The following CNTN3 variants were observed in gnomAD, a reference collection of about 807,000 sequenced individuals.
CNTN3 encodes the protein contactin 3, also known as contactin-3.
In CNTN3, 60 loss-of-function variants were observed where a neutral mutation model predicts 119.1. The observed-to-expected ratio is 0.50, with a 90% confidence interval of 0.41 to 0.62. CNTN3 has a LOEUF of 0.62. Among genes scored for constraint, CNTN3 ranks in the 20% least tolerant of loss-of-function variants. The pLI is 0.00. For missense variants in CNTN3, 1,101 were observed against 1,242.4 expected (o/e 0.89, Z 1.71); for synonymous variants, 450 against 438.7 (o/e 1.03, Z -0.32).
At chr3:74,574,435 G>A (rs1054661417) in intron 1 of CNTN3, among the ~76,000 whole-genome samples, 2 of 152,238 alleles carry the variant, frequency 1.3e-5, no homozygotes, top group East Asian at 1.9e-4. Context: ...ATGGTGACTC[G>A]TAGGGTATAC....
chr3:74,350,339 T>C (rs776962061), intron 11 of CNTN3, among the ~76,000 whole-genome samples: 7 of 152,084 alleles, frequency 4.6e-5, no homozygotes, highest in Non-Finnish European at 1.0e-4. Flanking sequence ...ACATCACTAA[T>C]TATCAGAGAA....
chr3:74,592,609 G>A (rs930723279), intron 1 of CNTN3, among the ~76,000 whole-genome samples: 26 of 151,928 alleles, frequency 1.7e-4, no homozygotes, highest in Non-Finnish European at 3.4e-4. Flanking sequence ...GGCCATGAGA[G>A]TGATATGCTG....
chr3:74,348,047 A>T (rs1337766125), intron 11 of CNTN3, among the ~76,000 whole-genome samples: 1 of 152,170 alleles, frequency 6.6e-6, no homozygotes. Flanking sequence ...GGAGATGGAG[A>T]AATGCTGGTC....
intron 4 of CNTN3, among the ~76,000 whole-genome samples, chr3:74,435,874 C>T (rs900881552): frequency 6.6e-5 from 10 of 152,136 alleles, no homozygotes; most frequent in East Asian, 1.9e-4. Flanking sequence ...CCAACCCTCA[C>T]GCTGGTCTCC....
At chr3:74,334,608 C>A in intron 13 of CNTN3, 127 bp downstream of exon 13, 1 of 766,260 alleles carries the variant, frequency 1.3e-6, no homozygotes, top group Non-Finnish European at 2.1e-6. Flanking sequence ...AACTGAGAAC[C>A]ACTCAACCAA....
At chr3:74,402,323 G>T (rs890238857) in intron 5 of CNTN3, among the ~76,000 whole-genome samples, 5 of 151,870 alleles carry the variant, frequency 3.3e-5, no homozygotes, top group Admixed American at 2.0e-4. Context: ...TTTAACGATG[G>T]GCCATTTTTT....
intron 1 of CNTN3, among the ~76,000 whole-genome samples, chr3:74,610,641 A>G (rs1315489439): frequency 6.6e-6 from 1 of 152,062 alleles, no homozygotes; most frequent in African/African-American, 2.4e-5. Context: ...ATGAGTACTA[A>G]TTTAACTTAC....
chr3:74,575,690 G>A (rs1704404602), intron 1 of CNTN3, among the ~76,000 whole-genome samples: 1 of 150,400 alleles, frequency 6.6e-6, no homozygotes, highest in Non-Finnish European at 1.5e-5. Flanking sequence ...GATTTAGGGG[G>A]AGGATATTTG....
At chr3:74,312,583 C>T (rs1702717933) in intron 13 of CNTN3, among the ~76,000 whole-genome samples, 1 of 151,662 alleles carries the variant, frequency 6.6e-6, no homozygotes, top group African/African-American at 2.4e-5. Context: ...CATCCTGTTC[C>T]ACGTAAGAAG....
At chr3:74,372,976 G>C (rs542423314) in intron 5 of CNTN3, among the ~76,000 whole-genome samples, 1 of 152,256 alleles carries the variant, frequency 6.6e-6, no homozygotes, top group South Asian at 2.1e-4. Flanking sequence ...GCAAATGCTT[G>C]ATGTTTCCAA....
intron 1 of CNTN3, among the ~76,000 whole-genome samples, chr3:74,530,628 T>C (rs1455293022): frequency 1.3e-5 from 2 of 151,734 alleles, no homozygotes; most frequent in Non-Finnish European, 2.9e-5. Flanking sequence ...TTCTCAGAGA[T>C]GTTAGGGGCA....
chr3:74,569,263 G>A (rs1346699474), intron 1 of CNTN3, among the ~76,000 whole-genome samples: 2 of 152,134 alleles, frequency 1.3e-5, no homozygotes. Flanking sequence ...AACTGAAAAT[G>A]CCTGGGAATT....
At chr3:74,588,113 T>G (rs1272986625) in intron 1 of CNTN3, among the ~76,000 whole-genome samples, 2 of 152,146 alleles carry the variant, frequency 1.3e-5, no homozygotes, top group African/African-American at 4.8e-5. Flanking sequence ...TTTGTGTATA[T>G]TGCATCCCAA....
chr3:74,440,756 A>G (rs954553125), intron 4 of CNTN3, among the ~76,000 whole-genome samples: 3 of 152,168 alleles, frequency 2.0e-5, no homozygotes, highest in African/African-American at 7.2e-5. Flanking sequence ...GCCCCTATCA[A>G]CCCGTCATCT....
chr3:74,414,990 A>T (rs1428403481), intron 5 of CNTN3, among the ~76,000 whole-genome samples: 1 of 148,776 alleles, frequency 6.7e-6, no homozygotes, highest in African/African-American at 2.5e-5. Flanking sequence ...TTTTTTACTT[A>T]AAGCAGAAAA....
chr3:74,613,121 T>C (rs1299416262), intron 1 of CNTN3, among the ~76,000 whole-genome samples: 1 of 152,148 alleles, frequency 6.6e-6, no homozygotes, highest in African/African-American at 2.4e-5. Flanking sequence ...AGGCAATTAC[T>C]CCTCCTTTCA....
intron 1 of CNTN3, among the ~76,000 whole-genome samples, chr3:74,531,547 G>C (rs7429837): frequency 0.99 from 150,702 of 152,094 alleles, 74,669 homozygotes; most frequent in Middle Eastern, 1. Context: ...ACACAGAACA[G>C]TGGAAAATCT....
At chr3:74,578,586 T>C (rs573437930) in intron 1 of CNTN3, among the ~76,000 whole-genome samples, 9 of 152,160 alleles carry the variant, frequency 5.9e-5, no homozygotes, top group East Asian at 5.8e-4. Context: ...TCAGAACTTA[T>C]AGTGGGCTAA....
intron 3 of CNTN3, among the ~76,000 whole-genome samples, chr3:74,498,923 T>C (rs1196804550): frequency 2.0e-5 from 3 of 151,792 alleles, no homozygotes; most frequent in African/African-American, 7.2e-5. Context: ...TTCATGAAAG[T>C]GGGTCTCCCA....
Sources: allele counts gnomAD v4.1 joint callset (sites outside exome capture counted in the v4.1 genomes callset), GRCh38; gene constraint gnomAD v4.1.1; transcripts MANE v1.5; gene names NCBI Gene and HGNC (gene_info 2026-07-23, HGNC 2026-07-21).